The following ATRIP variants were observed in gnomAD, a reference collection of about 807,000 sequenced individuals.
The protein encoded by ATRIP is ATR interacting protein, also known as ATR-interacting protein.
ATRIP carries 44 observed loss-of-function variants against 78.1 expected under a neutral mutation model. The observed-to-expected ratio is 0.56, with a 90% CI of 0.44 to 0.72. ATRIP has a LOEUF of 0.72. ATRIP is among the 30% of genes least tolerant of loss of function. The pLI is 0.00. For missense variants in ATRIP, 927 were observed against 980.2 expected (o/e 0.95, Z 0.72); for synonymous variants, 388 against 408.9 (o/e 0.95, Z 0.62).
rs374502466 is a variant in ATRIP, at chr3:48,467,602, C to T, written c.*2048C>T. On this transcript the variant is annotated 3_prime_UTR_variant, in exon 13 of 13. Transcript: ENST00000320211. ...TCCCTGGCCACACCTGGGGAGTAGG[C>T]CAAGAAGGAAAATCTGACGAATAAA... is the stretch of plus-strand genomic sequence containing the variant. 15 of 1,609,132 alleles carry T rather than the reference C, an allele frequency of 9.3e-6. No individual in the cohort carries two copies. Among genetic ancestry groups the T allele is most frequent in the Admixed American group, 1.7e-5 (1 of 59,656 alleles).
chr3:48,450,875 A>G (rs1013223063), intron 2 of ATRIP, among the ~76,000 whole-genome samples: 1 of 151,388 alleles, frequency 6.6e-6, no homozygotes, highest in Non-Finnish European at 1.5e-5. Context: ...AGCGACCCAG[A>G]TCGTTAATGC....
intron 2 of ATRIP, 42 bp downstream of exon 2, chr3:48,450,212 C>T (rs1240237559): frequency 1.3e-6 from 2 of 1,587,150 alleles, no homozygotes; most frequent in African/African-American, 2.7e-5. Context: ...AATTCATTCA[C>T]TTACGTGTTT....
rs1575289228 is a variant in ATRIP, at chr3:48,465,208, G to A, written c.2308+125G>A. 7 of 1,295,634 alleles carry A rather than the reference G, an allele frequency of 5.4e-6. No homozygotes were observed. The East Asian group carries it at 7.1e-5, about 13-fold the overall frequency. 80.3% of individuals were successfully genotyped at this position (1,295,634 alleles called of 1,614,324 possible). A position where few individuals can be genotyped will look rare whatever the true frequency, so the allele number is the denominator to read the frequency against. On this transcript the variant is annotated intron_variant, in intron 12 of 12. Transcript: ENST00000320211. ...CACTGCAGCCTGTTCCAGCACTGGGGCCATTTTCTTTTATCTTCCTGCCTC... is the reference window on the plus strand; with the variant it reads ...CACTGCAGCCTGTTCCAGCACTGGGACCATTTTCTTTTATCTTCCTGCCTC...
chr3:48,465,375 G>A, intron 12 of ATRIP, 112 bp from the exon 13 acceptor site: 1 of 1,072,868 alleles, frequency 9.3e-7, no homozygotes, highest in Non-Finnish European at 1.4e-6. Context: ...GCAGGGCCTG[G>A]GTGTGGAAGG....
At chr3:48,455,420 T>G (rs891498908) in intron 4 of ATRIP, among the ~76,000 whole-genome samples, 1 of 152,198 alleles carries the variant, frequency 6.6e-6, no homozygotes, top group African/African-American at 2.4e-5. Context: ...TCAACATACC[T>G]AGTAGGTTTA....
chr3:48,450,313 C>A, intron 2 of ATRIP, 143 bp downstream of exon 2: 1 of 1,229,466 alleles, frequency 8.1e-7, no homozygotes, highest in Non-Finnish European at 1.1e-6. Context: ...GAAAGAAAAC[C>A]AGAAAGTTTA....
rs755955663 is a variant in ATRIP, at chr3:48,446,943, G to A, written c.98G>A (p.Arg33Gln). 5 of 1,483,556 alleles carry A rather than the reference G, an allele frequency of 3.4e-6. No homozygotes were observed. Among genetic ancestry groups the A allele is most frequent in the Non-Finnish European group, 4.5e-6 (5 of 1,117,546 alleles). 91.9% of individuals were successfully genotyped at this position (1,483,556 alleles called of 1,614,324 possible). A position where few individuals can be genotyped will look rare whatever the true frequency, so the allele number is the denominator to read the frequency against. The change falls in exon 1 of 13, where the codon CGG (arginine) becomes CAG (glutamine). Residue 33 changes from arginine to glutamine, a missense_variant. Coordinates refer to ENST00000320211, the MANE Select transcript of ATRIP (RefSeq NM_130384.3). Reference sequence around the variant, plus strand: ...GGCACCGGGCACCCCCCGAGCAAGCGGGCCCGGGGCTTCTCCGCAGCCGCT... The same window carrying A: ...GGCACCGGGCACCCCCCGAGCAAGCAGGCCCGGGGCTTCTCCGCAGCCGCT... ...PPGTGHPPSK[R>Q]ARGFSAAAAP...
intron 8 of ATRIP, among the ~76,000 whole-genome samples, chr3:48,462,099 G>A (rs970499460): frequency 1.3e-5 from 2 of 152,126 alleles, no homozygotes; most frequent in Non-Finnish European, 2.9e-5. Context: ...AGGCCAAGGT[G>A]GGAGGATCAC....
Position 48,446,769 on chromosome 3 carries a change from C to G in ATRIP, c.-77C>G, listed in dbSNP as rs539481663. On this transcript the variant is annotated 5_prime_UTR_variant, in exon 1 of 13. Transcript: ENST00000320211. Reference sequence around the variant, plus strand: ...GCGGAGGCAAGCGGCGGCGCGCGGACGGTTGGTCCAGTTCTCCGGCCTGGC... The same window carrying G: ...GCGGAGGCAAGCGGCGGCGCGCGGAGGGTTGGTCCAGTTCTCCGGCCTGGC... The G allele has an allele frequency of 3.0e-6, 4 of 1,331,574 alleles. No individual in the cohort carries two copies. The highest frequency in any genetic ancestry group is 1.5e-5 in the African/African-American group (1 of 65,988). 82.5% of individuals were successfully genotyped at this position (1,331,574 alleles called of 1,614,324 possible).
chr3:48,449,716 A>G (rs1360646009), intron 1 of ATRIP, among the ~76,000 whole-genome samples: 4 of 150,272 alleles, frequency 2.7e-5, no homozygotes, highest in Admixed American at 6.7e-5. Flanking sequence ...TCGCGAGGAC[A>G]GGAAATCAAG....
chr3:48,461,169 CT>C (rs1440100272), intron 8 of ATRIP, among the ~76,000 whole-genome samples: 1 of 152,192 alleles, frequency 6.6e-6, no homozygotes, highest in Non-Finnish European at 1.5e-5. Context: ...AGTGGTTTCC[CT>C]AAGGAAGCAG....
Position 48,460,410 on chromosome 3 carries a change from T to C in ATRIP, c.1356T>C (p.His452=). The change falls in exon 8 of 13, where the codon CAT becomes CAC. Residue 452 remains histidine (H), a synonymous_variant. Coordinates refer to ENST00000320211, the MANE Select transcript of ATRIP (RefSeq NM_130384.3). ...RSGAPGDSPT[H]SSCVSSGVET... is the part of the protein sequence containing the mutation. ...GAGCACCTGGGGACTCACCGACACA[T>C]TCCTCCTGCGTGAGCTCTGGGGTAG... is the stretch of plus-strand genomic sequence containing the variant. The C allele has an allele frequency of 6.2e-7, 1 of 1,613,370 alleles. No homozygotes were observed. Among genetic ancestry groups the C allele is most frequent in the Non-Finnish European group, 8.5e-7 (1 of 1,179,636 alleles).
At chr3:48,454,260 A>G (rs2039901423) in intron 3 of ATRIP, 40 bp from the exon 4 acceptor site, 2 of 1,205,542 alleles carry the variant, frequency 1.7e-6, no homozygotes, top group African/African-American at 1.5e-5. Context: ...TTTTGTGTAT[A>G]TGATGGGACC....
chr3:48,450,700 C>G (rs959572610), intron 2 of ATRIP: 6 of 415,712 alleles, frequency 1.4e-5, no homozygotes. Flanking sequence ...GATTCACATG[C>G]CTTAGCTTCC....
chr3:48,466,104 T>C lies in ATRIP; in HGVS notation c.*550T>C. 2.6e-6 allele frequency: 1 copy of C among 382,748 alleles called. No homozygotes were observed. Among genetic ancestry groups the C allele is most frequent in the East Asian group, 6.1e-5 (1 of 16,330 alleles). The allele number at this position is 382,748 out of a possible 1,614,324, so 23.7% of individuals were successfully genotyped here. ...TGTGGATCTTGGAAGGCCTCTGGGG[T>C]CCCCCGGGAGCAGGGGAGTGGGTGT... On this transcript the variant is annotated 3_prime_UTR_variant, in exon 13 of 13. Coordinates refer to ENST00000320211, the MANE Select transcript of ATRIP (RefSeq NM_130384.3).
intron 4 of ATRIP, among the ~76,000 whole-genome samples, chr3:48,455,582 C>T (rs767453734): frequency 3.3e-5 from 5 of 151,850 alleles, no homozygotes; most frequent in Non-Finnish European, 7.4e-5. Context: ...CTCCACCTCC[C>T]GGGTTCAAGT....
rs1575282458 is a variant in ATRIP, at chr3:48,459,571, A to G, written c.925+117A>G. 5.8e-6 allele frequency: 7 copies of G among 1,200,224 alleles called. No individual in the cohort carries two copies. The East Asian group carries it at 1.6e-4, about 28-fold the overall frequency. The allele number at this position is 1,200,224 out of a possible 1,614,324, so 74.3% of individuals were successfully genotyped here. A position where few individuals can be genotyped will look rare whatever the true frequency, so the allele number is the denominator to read the frequency against. Reference sequence around the variant, plus strand: ...GGCAGTCCTTCAGAGAGTCCAGGGAAGTCAAAGTATGTGGCTTAAGCAGAA... The same window carrying G: ...GGCAGTCCTTCAGAGAGTCCAGGGAGGTCAAAGTATGTGGCTTAAGCAGAA... On this transcript the variant is annotated intron_variant, in intron 6 of 12. Transcript: ENST00000320211.
rs76493396 is a variant in ATRIP, at chr3:48,464,880, G to T, written c.2105G>T (p.Arg702Leu). The T allele has an allele frequency of 6.2e-7, 1 of 1,613,886 alleles. No individual in the cohort carries two copies. The highest frequency in any genetic ancestry group is 8.5e-7 in the Non-Finnish European group (1 of 1,179,890). Residue 702 changes from arginine (R) to leucine (L), a missense_variant, in exon 12 of 13, where the codon CGG becomes CTG. Coordinates refer to ENST00000320211, the MANE Select transcript of ATRIP (RefSeq NM_130384.3). ...TTGCACAGACAGTGGCTGACAGTGC[G>T]GAGGGCAGGGGGACCCCCAAGGACC... ...VMLHRQWLTV[R>L]RAGGPPRTDQ... is the part of the protein sequence containing the mutation.
chr3:48,461,658 G>A (rs927992364), intron 8 of ATRIP, among the ~76,000 whole-genome samples: 4 of 152,110 alleles, frequency 2.6e-5, no homozygotes, highest in Non-Finnish European at 5.9e-5. Flanking sequence ...GCCCAGCAGG[G>A]GCCCAGCTCA....
Sources: allele counts gnomAD v4.1 joint callset (sites outside exome capture counted in the v4.1 genomes callset), GRCh38; gene constraint gnomAD v4.1.1; transcripts MANE v1.5; gene names NCBI Gene and HGNC (gene_info 2026-07-23, HGNC 2026-07-21).